The following ATOX1 variants were observed in gnomAD, a reference collection of about 807,000 sequenced individuals.
ATOX1 encodes the protein antioxidant 1 copper chaperone.
Under a neutral mutation model 7.3 loss-of-function variants are expected in ATOX1, and 4 were observed. The ratio of observed to expected loss-of-function variants is 0.55; its 90% confidence interval spans 0.27 to 1.25. The LOEUF is 1.25. Among genes scored for constraint, ATOX1 ranks in the 50% most tolerant of loss-of-function variants. The pLI is 0.12. For missense variants in ATOX1, 68 were observed against 81.6 expected, an observed-to-expected ratio of 0.83 and a Z score of 0.64; for synonymous variants, 25 against 28.7, an observed-to-expected ratio of 0.87 and a Z score of 0.41.
intron 2 of ATOX1, among the ~76,000 whole-genome samples, chr5:151,747,436 C>A (rs574272346): frequency 6.6e-6 from 1 of 151,770 alleles, no homozygotes; most frequent in South Asian, 2.1e-4. Flanking sequence ...CAGGCACATG[C>A]CACTATGCCT....
At chr5:151,755,891 GC>G (rs2113187383) in intron 1 of ATOX1, among the ~76,000 whole-genome samples, 1 of 151,466 alleles carries the variant, frequency 6.6e-6, no homozygotes, top group East Asian at 1.9e-4. Flanking sequence ...GATTTTAAAA[GC>G]CAGTAGGTTT....
intron 2 of ATOX1, among the ~76,000 whole-genome samples, chr5:151,749,543 C>T (rs972378660): frequency 3.0e-4 from 46 of 150,904 alleles, no homozygotes; most frequent in Admixed American, 2.1e-3. Context: ...CCCAGCTACT[C>T]GGGAGGCTGA....
intron 3 of ATOX1, 73 bp downstream of exon 3, chr5:151,746,206 A>T: frequency 5.0e-6 from 7 of 1,407,674 alleles, no homozygotes; most frequent in Non-Finnish European, 6.6e-6. Context: ...CAAGCTCTCA[A>T]AGGCCAAGGT....
At chr5:151,752,539 TTGGAACAGTGCC>T in intron 1 of ATOX1, 1 of 596,996 alleles carries the variant, frequency 1.7e-6, no homozygotes. Context: ...TTCCTAATAC[TTGGAACAGTGCC>T]TGGACAGAGT....
chr5:151,755,184 C>A (rs983249457), intron 1 of ATOX1, among the ~76,000 whole-genome samples: 1 of 151,962 alleles, frequency 6.6e-6, no homozygotes, highest in African/African-American at 2.4e-5. Context: ...AAAATCAATT[C>A]ATCTATGGTT....
At chr5:151,746,169 G>T in intron 3 of ATOX1, 110 bp downstream of exon 3, 1 of 982,794 alleles carries the variant, frequency 1.0e-6, no homozygotes, top group Non-Finnish European at 1.4e-6. Context: ...GGATTGAAAA[G>T]AACCCAGAGG....
At chr5:151,750,644 CTTTTTTTTT>C (rs34586233) in intron 2 of ATOX1, among the ~76,000 whole-genome samples, 10 of 100,336 alleles carry the variant, frequency 1.0e-4, no homozygotes, top group African/African-American at 3.0e-4. Context: ...TTTTTTCTTT[CTTTTTTTTT>C]TTTTTTTTTT....
intron 1 of ATOX1, among the ~76,000 whole-genome samples, chr5:151,758,110 G>A (rs563091898): frequency 6.7e-6 from 1 of 149,284 alleles, no homozygotes; most frequent in South Asian, 2.1e-4. Flanking sequence ...TGCCCGGTCC[G>A]TGAGGAAATA....
At chr5:151,752,950 T>C (rs756153388) in intron 1 of ATOX1, among the ~76,000 whole-genome samples, 1 of 152,208 alleles carries the variant, frequency 6.6e-6, no homozygotes, top group Non-Finnish European at 1.5e-5. Context: ...GGTTGGTCTG[T>C]GTGTCTTATA....
intron 2 of ATOX1, among the ~76,000 whole-genome samples, chr5:151,746,731 T>C (rs1379612712): frequency 2.0e-5 from 3 of 152,174 alleles, no homozygotes; most frequent in African/African-American, 7.2e-5. Context: ...TGCTGATCTC[T>C]GTTCTATACT....
chr5:151,751,867 C>G, intron 1 of ATOX1, 88 bp from the exon 2 acceptor site: 1 of 1,333,876 alleles, frequency 7.5e-7, no homozygotes, highest in Non-Finnish European at 1.0e-6. Context: ...AGGGTCAAGA[C>G]AGAAGACAGA....
Position 151,748,587 on chromosome 5 carries a change from C to T in ATOX1, c.83-2138G>A, listed in dbSNP as rs182286554. On this transcript the variant is annotated intron_variant, in intron 2 of 3. Transcript: ENST00000313115. ...CTTAAAAATCATATGGTTGGCCAGG[C>T]GTGGTGGCTCATGTCTGTAATCCCA... Among the ~76,000 whole-genome samples the T allele has an allele frequency of 2.4e-3, 371 of 152,290 alleles. 1 individual carries two copies. Among genetic ancestry groups the T allele is most frequent in the Admixed American group, 5.3e-3 (81 of 15,290 alleles).
At chr5:151,755,375 G>T (rs764102293) in intron 1 of ATOX1, among the ~76,000 whole-genome samples, 25 of 152,180 alleles carry the variant, frequency 1.6e-4, no homozygotes, top group African/African-American at 4.3e-4. Flanking sequence ...GTTCCCAAGA[G>T]TTCACTAGGT....
intron 1 of ATOX1, 78 bp from the exon 2 acceptor site, chr5:151,751,857 A>G: frequency 1.4e-6 from 2 of 1,433,360 alleles, no homozygotes; most frequent in Non-Finnish European, 1.9e-6. Flanking sequence ...AGGCCCACTC[A>G]GGGTCAAGAC....
intron 2 of ATOX1, among the ~76,000 whole-genome samples, chr5:151,748,654 A>G (rs1309208706): frequency 6.6e-6 from 1 of 151,882 alleles, no homozygotes; most frequent in Admixed American, 6.6e-5. Flanking sequence ...TTGAGGTCAG[A>G]AGTTCAAGAC....
chr5:151,744,332 G>C (rs1333877417), intron 3 of ATOX1: 1 of 152,184 alleles, frequency 6.6e-6, no homozygotes. Context: ...AAGCTTGCAG[G>C]AGTTATTTAT....
chr5:151,750,644 C>CTTTT (rs34586233), intron 2 of ATOX1, among the ~76,000 whole-genome samples: 224 of 100,244 alleles, frequency 2.2e-3, no homozygotes, highest in Non-Finnish European at 2.6e-3. Flanking sequence ...TTTTTTCTTT[C>CTTTT]TTTTTTTTTT....
intron 3 of ATOX1, 71 bp from the exon 4 acceptor site, chr5:151,743,030 A>G (rs1761839457): frequency 6.6e-6 from 1 of 152,358 alleles, no homozygotes; most frequent in African/African-American, 2.4e-5. Context: ...TGCAAAGGCA[A>G]TAAATGCACT....
At chr5:151,755,548 G>C (rs570320888) in intron 1 of ATOX1, among the ~76,000 whole-genome samples, 1 of 152,268 alleles carries the variant, frequency 6.6e-6, no homozygotes, top group East Asian at 1.9e-4. Flanking sequence ...CATTTTTAGG[G>C]AGCACAGTTT....
Sources: allele counts gnomAD v4.1 joint callset (sites outside exome capture counted in the v4.1 genomes callset), GRCh38; gene constraint gnomAD v4.1.1; transcripts MANE v1.5; gene names NCBI Gene and HGNC (gene_info 2026-07-23, HGNC 2026-07-21).